VKORC1L1: variants seen among roughly 807,000 people sequenced by gnomAD.
The protein encoded by VKORC1L1 is vitamin K epoxide reductase complex subunit 1L1, also known as vitamin K epoxide reductase complex subunit 1-like protein 1.
A neutral mutation model predicts 18.9 loss-of-function variants in VKORC1L1; 2 were observed. That is an observed-to-expected ratio of 0.11 (90% CI 0.04 to 0.33). The LOEUF (loss-of-function observed/expected upper bound fraction) is 0.33, where lower values mean the gene tolerates loss of function less well. Among genes scored for constraint, VKORC1L1 ranks in the 10% least tolerant of loss-of-function variants. The probability of loss-of-function intolerance (pLI) is 1.00; values close to 1 mark genes in which losing one functional copy is unlikely to be tolerated. For synonymous variants in VKORC1L1, 96 were observed against 100.0 expected (o/e 0.96, Z 0.24); for missense variants, 123 against 224.1 (o/e 0.55, Z 2.88).
intron 1 of VKORC1L1, among the ~76,000 whole-genome samples, chr7:65,937,381 A>G (rs992899345): frequency 1.3e-5 from 2 of 152,160 alleles, no homozygotes; most frequent in African/African-American, 2.4e-5. Context: ...TGGAATTGGC[A>G]TTCAGATTTT....
At chr7:65,949,624 A>C (rs1446014687) in intron 2 of VKORC1L1, among the ~76,000 whole-genome samples, 4 of 152,124 alleles carry the variant, frequency 2.6e-5, no homozygotes, top group Admixed American at 1.3e-4. Flanking sequence ...TCTCTGTAGA[A>C]AATACAAAAA....
intron 1 of VKORC1L1, among the ~76,000 whole-genome samples, chr7:65,912,149 C>T (rs929545889): frequency 3.3e-5 from 5 of 152,134 alleles, no homozygotes; most frequent in African/African-American, 1.2e-4. Flanking sequence ...AATGCTGTAA[C>T]TTTATATTTC....
intron 1 of VKORC1L1, 33 bp downstream of exon 1, chr7:65,873,598 C>G: frequency 6.8e-7 from 1 of 1,475,338 alleles, no homozygotes; most frequent in Non-Finnish European, 9.0e-7. Context: ...CCAGGAGCGG[C>G]CGAGCGGGGC....
chr7:65,910,909 G>T (rs559303860), intron 1 of VKORC1L1, among the ~76,000 whole-genome samples: 6 of 152,260 alleles, frequency 3.9e-5, no homozygotes, highest in South Asian at 2.1e-4. Context: ...ATCTTTCAAA[G>T]AATTCTCTCT....
At chr7:65,926,187 ACT>A (rs1388160774) in intron 1 of VKORC1L1, among the ~76,000 whole-genome samples, 1 of 151,406 alleles carries the variant, frequency 6.6e-6, no homozygotes, top group African/African-American at 2.4e-5. Context: ...ACAGAGTCTC[ACT>A]CTGTTGCCCA....
At chr7:65,870,586 A>T (rs1788714528), upstream of VKORC1L1, among the ~76,000 whole-genome samples, 1 of 152,204 alleles carries the variant, frequency 6.6e-6, no homozygotes, top group Non-Finnish European at 1.5e-5. Context: ...ATCTAATATA[A>T]TGGACTATTA....
At chr7:65,944,568 GTGCTCACTTTGTGTATA>G (rs1207813067) in intron 1 of VKORC1L1, among the ~76,000 whole-genome samples, 1 of 151,616 alleles carries the variant, frequency 6.6e-6, no homozygotes, top group Non-Finnish European at 1.5e-5. Flanking sequence ...TTACACTCTT[GTGCTCACTTTGTGTATA>G]TGCATTTGAA....
intron 1 of VKORC1L1, among the ~76,000 whole-genome samples, chr7:65,900,545 G>A (rs1341579274): frequency 6.6e-6 from 1 of 152,214 alleles, no homozygotes; most frequent in African/African-American, 2.4e-5. Context: ...GCTCACGCCT[G>A]TAATCCCAGC....
At chr7:65,898,532 C>T (rs1005585541) in intron 1 of VKORC1L1, among the ~76,000 whole-genome samples, 11 of 152,054 alleles carry the variant, frequency 7.2e-5, no homozygotes, top group Non-Finnish European at 1.6e-4. Context: ...TCTCTATAGG[C>T]ATATATTTGC....
chr7:65,941,464 A>G (rs1562654800), intron 1 of VKORC1L1, among the ~76,000 whole-genome samples: 1 of 152,124 alleles, frequency 6.6e-6, no homozygotes, highest in South Asian at 2.1e-4. Context: ...TGTGCCTTGT[A>G]AAAAATAATT....
chr7:65,865,999 A>G, the VKORC1L1 span, among the ~76,000 whole-genome samples: 1 of 151,906 alleles, frequency 6.6e-6, no homozygotes, highest in Non-Finnish European at 1.5e-5. Context: ...ACATGCCTGT[A>G]ATCCCAGCTA....
At chr7:65,887,161 GT>G (rs1163509154) in intron 1 of VKORC1L1, among the ~76,000 whole-genome samples, 3 of 151,930 alleles carry the variant, frequency 2.0e-5, no homozygotes, top group African/African-American at 7.3e-5. Context: ...GAAGGTAAGA[GT>G]TTTGTTCTCC....
At chr7:65,873,671 C>CG (rs890785642) in intron 1 of VKORC1L1, 106 bp downstream of exon 1, 2 of 620,166 alleles carry the variant, frequency 3.2e-6, no homozygotes, top group African/African-American at 4.9e-5. Flanking sequence ...CGGCGGGGAC[C>CG]GGGCCGCTGG....
chr7:65,920,638 G>T (rs935711745), intron 1 of VKORC1L1, among the ~76,000 whole-genome samples: 1 of 152,150 alleles, frequency 6.6e-6, no homozygotes, highest in Non-Finnish European at 1.5e-5. Flanking sequence ...TGAAAGATGA[G>T]AATTAAGTAG....
At chr7:65,870,846 C>T (rs1309232987), upstream of VKORC1L1, among the ~76,000 whole-genome samples, 1 of 150,514 alleles carries the variant, frequency 6.6e-6, no homozygotes, top group African/African-American at 2.5e-5. Context: ...AGTGGGGCAA[C>T]GTTGGCTCAT....
At chr7:65,934,538 C>T (rs1395654863) in intron 1 of VKORC1L1, among the ~76,000 whole-genome samples, 1 of 152,142 alleles carries the variant, frequency 6.6e-6, no homozygotes, top group Non-Finnish European at 1.5e-5. Context: ...CTTCATTCCT[C>T]CCACTCCCCC....
intron 1 of VKORC1L1, among the ~76,000 whole-genome samples, chr7:65,942,056 T>C (rs1432168925): frequency 2.0e-5 from 3 of 152,122 alleles, no homozygotes; most frequent in African/African-American, 7.2e-5. Context: ...TGATGTATAA[T>C]GATGCTCCAA....
rs1377942088 is a variant in VKORC1L1 at position 65,958,006 on chromosome 7, G to A, written c.*3706G>A. On this transcript the variant is annotated 3_prime_UTR_variant, in exon 3 of 3. Transcript: ENST00000360768. ...GATCATTATTAGATGCCAACAAGGA[G>A]ACCCACTGTGATTTCTGGTAACCTA... is the stretch of plus-strand genomic sequence containing the variant. 5 of 152,186 alleles carry A rather than the reference G, an allele frequency of 3.3e-5. No homozygotes were observed. Among genetic ancestry groups the A allele is most frequent in the Admixed American group, 2.6e-4 (4 of 15,290 alleles). 9.4% of individuals were successfully genotyped at this position (152,186 alleles called of 1,614,324 possible). A position where few individuals can be genotyped will look rare whatever the true frequency, so the allele number is the denominator to read the frequency against.
intron 1 of VKORC1L1, among the ~76,000 whole-genome samples, chr7:65,928,852 G>A (rs955539460): frequency 2.0e-5 from 3 of 152,154 alleles, no homozygotes; most frequent in Admixed American, 1.3e-4. Flanking sequence ...GTGACCACCA[G>A]CAATGTGTGA....
Sources: gnomAD v4.1 joint callset for allele counts (sites outside exome capture counted in the v4.1 genomes callset) on GRCh38, gnomAD v4.1.1 for gene constraint, MANE v1.5 for transcripts, NCBI Gene and HGNC (gene_info 2026-07-23, HGNC 2026-07-21) for gene names.